Variants in PDCD6 observed in about 807,000 individuals in gnomAD.
The protein encoded by PDCD6 is programmed cell death 6, also known as programmed cell death protein 6.
Under a neutral mutation model 28.3 loss-of-function variants are expected in PDCD6, and 12 were observed. The ratio of observed to expected loss-of-function variants is 0.42; its 90% CI spans 0.27 to 0.69. PDCD6 has a LOEUF of 0.69. PDCD6 is among the 30% of genes least tolerant of loss of function. The probability of loss-of-function intolerance (pLI) is 0.22; values close to 1 mark genes in which losing one functional copy is unlikely to be tolerated. For synonymous variants in PDCD6, 92 were observed against 108.0 expected, an observed-to-expected ratio of 0.85 and a Z score of 0.92; for missense variants, 226 against 269.9, an observed-to-expected ratio of 0.84 and a Z score of 1.14.
At chr5:276,254 G>A (rs1340507027) in intron 2 of PDCD6, 35 of 1,143,204 alleles carry the variant, frequency 3.1e-5, no homozygotes, top group Non-Finnish European at 3.6e-5. Context: ...GTGGATGCGC[G>A]CTGCTCCTGC....
intron 2 of PDCD6, 126 bp from the exon 3 acceptor site, chr5:304,051 G>T: frequency 7.3e-7 from 1 of 1,370,618 alleles, no homozygotes; most frequent in Non-Finnish European, 1.0e-6. Flanking sequence ...GTCACCTGGA[G>T]TGTCTAGAAA....
chr5:289,316 G>T, intron 2 of PDCD6: 1 of 538,690 alleles, frequency 1.9e-6, no homozygotes, highest in Non-Finnish European at 3.4e-6. Flanking sequence ...GCATTACAAG[G>T]AGTTCTATTA....
chr5:274,823 G>GTA (rs1269793264), intron 2 of PDCD6, among the ~76,000 whole-genome samples: 6 of 152,210 alleles, frequency 3.9e-5, no homozygotes, highest in African/African-American at 1.4e-4. Context: ...TCCTCAAAGT[G>GTA]TATATAGCTC....
intron 2 of PDCD6, among the ~76,000 whole-genome samples, chr5:285,296 G>A (rs756483710): frequency 3.3e-5 from 5 of 151,982 alleles, no homozygotes; most frequent in Non-Finnish European, 5.9e-5. Flanking sequence ...GGGAACTGAT[G>A]CTGCAGTTTG....
At chr5:292,339 A>C (rs925079914) in intron 2 of PDCD6, among the ~76,000 whole-genome samples, 1 of 152,042 alleles carries the variant, frequency 6.6e-6, no homozygotes, top group African/African-American at 2.4e-5. Flanking sequence ...GCTCACTGCA[A>C]CCTCCACCTT....
At chr5:296,722 A>T (rs1466601602) in intron 2 of PDCD6, among the ~76,000 whole-genome samples, 1 of 152,224 alleles carries the variant, frequency 6.6e-6, no homozygotes, top group African/African-American at 2.4e-5. Context: ...CAGAAAGGTG[A>T]GGAGGACGCT....
At chr5:299,838 C>CAT (rs1739936380) in intron 2 of PDCD6, among the ~76,000 whole-genome samples, 1 of 151,300 alleles carries the variant, frequency 6.6e-6, no homozygotes, top group Non-Finnish European at 1.5e-5. Context: ...CGCCAGCCAC[C>CAT]GCGCCCAGCT....
rs537688122 is a variant in PDCD6 at position 272,741 on chromosome 5, A to G, written c.132A>G (p.Ser44=). The G allele has an allele frequency of 5.2e-4, 829 of 1,589,058 alleles. 3 individuals are homozygous for G. Among genetic ancestry groups the G allele is most frequent in the Non-Finnish European group, 6.5e-4 (761 of 1,172,468 alleles). The change falls in exon 2 of 6, where the codon TCA becomes TCG. Residue 44 remains serine, a synonymous_variant. Transcript: ENST00000264933. ...RVDKDRSGVI[S]DTELQQALSN... ...ATAAAGACAGGAGTGGAGTGATATC[A>G]GACACCGAGCTTCAGCAAGCTCTCT...
chr5:309,477 C>T, intron 4 of PDCD6: 1 of 176,792 alleles, frequency 5.7e-6, no homozygotes. Context: ...GGGGTTGCTC[C>T]TGTTGTCTGT....
intron 2 of PDCD6, among the ~76,000 whole-genome samples, chr5:292,054 CA>C (rs1739345215): frequency 6.6e-6 from 1 of 152,162 alleles, no homozygotes; most frequent in African/African-American, 2.4e-5. Context: ...CCATTCTCCC[CA>C]ACACTGGCAT....
At chr5:278,119 C>T (rs1213091538) in intron 2 of PDCD6, among the ~76,000 whole-genome samples, 2 of 152,178 alleles carry the variant, frequency 1.3e-5, no homozygotes, top group African/African-American at 4.8e-5. Context: ...CTGCTGGCTC[C>T]TCCGGGGTTG....
chr5:314,950 G>A lies in PDCD6; in HGVS notation c.*435G>A. 1 of 299,870 alleles carries A rather than the reference G, an allele frequency of 3.3e-6. No individual in the cohort carries two copies. The highest frequency in any genetic ancestry group is 6.5e-6 in the Non-Finnish European group (1 of 153,198). The allele number at this position is 299,870 out of a possible 1,614,324, so 18.6% of individuals were successfully genotyped here. ...GTATTCATTGGAATATGTGACGTAA[G>A]CAATAAAGGGAATGTTAGACGTGTG... On this transcript the variant is annotated 3_prime_UTR_variant, in exon 6 of 6. Coordinates refer to ENST00000264933, the MANE Select transcript of PDCD6 (RefSeq NM_013232.4).
At chr5:299,860 T>TTTG (rs1554007468) in intron 2 of PDCD6, among the ~76,000 whole-genome samples, 114 of 152,066 alleles carry the variant, frequency 7.5e-4, no homozygotes, top group African/African-American at 2.6e-3. Context: ...GTATTTTTTT[T>TTTG]TTTATTTTTT....
In PDCD6 at chr5:302,105, T is replaced by TGC. The variant is rs1253709028; in HGVS notation, c.164-2071_164-2070insCG. Among the ~76,000 whole-genome samples, 154 of 127,922 alleles carry TGC rather than the reference T, an allele frequency of 1.2e-3. 2 individuals are homozygous for TGC. The highest frequency in any genetic ancestry group is 5.2e-3 in the African/African-American group (132 of 25,556). 83.9% of individuals were successfully genotyped at this position (127,922 alleles called of 152,430 possible). On this transcript the variant is annotated intron_variant, in intron 2 of 5. Transcript: ENST00000264933. ...GTGTGTGTGTGTGTGTGTGTGTGTG[T>TGC]GTGCCTTGGGTTCAGGTGCACCTGC...
intron 2 of PDCD6, among the ~76,000 whole-genome samples, chr5:278,924 A>C (rs1186980635): frequency 6.6e-6 from 1 of 151,674 alleles, no homozygotes; most frequent in African/African-American, 2.4e-5. Flanking sequence ...CTGAGTTCCC[A>C]CAGTTCTCTG....
In PDCD6 at chr5:307,707, G is replaced by T. The variant is rs868078411; in HGVS notation, c.367+947G>T. 6.6e-6 allele frequency among the ~76,000 whole-genome samples: 1 copy of T among 152,112 alleles called. No homozygotes were observed. Among genetic ancestry groups the T allele is most frequent in the Non-Finnish European group, 1.5e-5 (1 of 68,032 alleles). The stretch of plus-strand genomic sequence containing the variant: ...GCCGCTTCCGTGATTTGCTTAAAAG[G>T]CTCCTTAGAAACAGTGAGGAAAATT... On this transcript the variant is annotated intron_variant, in intron 4 of 5. Coordinates refer to ENST00000264933, the MANE Select transcript of PDCD6 (RefSeq NM_013232.4). The surrounding 1 kb of genome is among the most constrained non-coding windows in gnomAD (Gnocchi z 6.1).
intron 2 of PDCD6, among the ~76,000 whole-genome samples, chr5:278,787 C>A (rs1738369934): frequency 8.0e-6 from 1 of 124,740 alleles, no homozygotes; most frequent in Admixed American, 9.0e-5. Flanking sequence ...GCTGGGGACA[C>A]AGGGGAGGGT....
At chr5:288,277 A>T (rs887112237) in intron 2 of PDCD6, among the ~76,000 whole-genome samples, 1 of 132,018 alleles carries the variant, frequency 7.6e-6, no homozygotes. Context: ...TTCCCCCCTT[A>T]AAATAATATA....
At chr5:288,622 A>T (rs1739130890) in intron 2 of PDCD6, among the ~76,000 whole-genome samples, 1 of 147,006 alleles carries the variant, frequency 6.8e-6, no homozygotes, top group Non-Finnish European at 1.5e-5. Context: ...GAAAGAAAGA[A>T]AGATCAGCGG....
Sources: allele counts gnomAD v4.1 joint callset (sites outside exome capture counted in the v4.1 genomes callset), GRCh38; gene constraint gnomAD v4.1.1; non-coding constraint Gnocchi (gnomAD v3.1); transcripts MANE v1.5; gene names NCBI Gene and HGNC (gene_info 2026-07-23, HGNC 2026-07-21).